ARHGAP23: variants seen among roughly 807,000 people sequenced by gnomAD.
ARHGAP23 encodes rho GTPase-activating protein 23.
In ARHGAP23, 34 loss-of-function variants were observed where a neutral mutation model predicts 136.3. The ratio of observed to expected loss-of-function variants is 0.25; its 90% CI spans 0.19 to 0.33. The LOEUF (loss-of-function observed/expected upper bound fraction) is 0.33, where lower values mean the gene tolerates loss of function less well. Ranked by LOEUF, ARHGAP23 falls within the 10% of genes least tolerant of loss-of-function variation. ARHGAP23 has a pLI of 1.00. For missense variants in ARHGAP23, 1,808 were observed against 2,139.0 expected (o/e 0.85, Z 3.05); for synonymous variants, 832 against 920.5 (o/e 0.90, Z 1.74).
At chr17:38,470,376 T>C (rs2039721741) in intron 10 of ARHGAP23, among the ~76,000 whole-genome samples, 4 of 152,210 alleles carry the variant, frequency 2.6e-5, no homozygotes, top group Admixed American at 2.0e-4. Flanking sequence ...TTTGTTTCCT[T>C]CACTACCCTC....
chr17:38,428,627 C>G, intron 1 of ARHGAP23, 79 bp downstream of exon 1: 1 of 1,008,014 alleles, frequency 9.9e-7, no homozygotes, highest in Non-Finnish European at 1.3e-6. Context: ...TCGCTGCGAC[C>G]CCGCTCGCCC....
chr17:38,441,419 C>T (rs2038917389), intron 1 of ARHGAP23, among the ~76,000 whole-genome samples: 1 of 152,104 alleles, frequency 6.6e-6, no homozygotes, highest in Non-Finnish European at 1.5e-5. Context: ...TTCTCTCTTT[C>T]CCCCTTCCCC....
intron 20 of ARHGAP23, among the ~76,000 whole-genome samples, chr17:38,495,522 T>C (rs2040373312): frequency 6.6e-6 from 1 of 152,176 alleles, no homozygotes; most frequent in Admixed American, 6.5e-5. Flanking sequence ...TGTGAGCCAC[T>C]GTGCCCGGCC....
chr17:38,420,465 C>T (rs1032879315), intron 1 of ARHGAP23, among the ~76,000 whole-genome samples: 3 of 152,198 alleles, frequency 2.0e-5, no homozygotes, highest in Non-Finnish European at 2.9e-5. Flanking sequence ...TGGCTGGGGG[C>T]CCTGGCTCTG....
Position 38,490,148 on chromosome 17 carries a change from G to A in ARHGAP23, c.3033G>A (p.Arg1011=). The A allele has an allele frequency of 1.9e-6, 3 of 1,551,770 alleles. No homozygotes were observed. The highest frequency in any genetic ancestry group is 1.7e-6 in the Non-Finnish European group (2 of 1,146,876). ...FIEANRIEDA[R]ERMRTLRKLI... is the part of the protein sequence containing the mutation. ...AGGCCAACCGCATTGAGGACGCGCG[G>A]GAGCGAATGAGGACGCTGCGGAAGC... Residue 1011 remains arginine, a synonymous_variant, in exon 18 of 24, where the codon CGG becomes CGA. Transcript: ENST00000622683.
chr17:38,453,971 C>G (rs2039260957), intron 1 of ARHGAP23: 1 of 145,590 alleles, frequency 6.9e-6, no homozygotes. Context: ...CCCCCGCCGG[C>G]CGCGGAGCTG....
chr17:38,485,944 G>A, intron 16 of ARHGAP23, 118 bp from the exon 17 acceptor site: 1 of 894,658 alleles, frequency 1.1e-6, no homozygotes, highest in Non-Finnish European at 1.8e-6. Flanking sequence ...AGAGAGCTTG[G>A]TCTAAGTAGG....
intron 11 of ARHGAP23, among the ~76,000 whole-genome samples, chr17:38,475,352 T>C (rs190366201): frequency 2.0e-4 from 31 of 152,352 alleles, no homozygotes; most frequent in Non-Finnish European, 4.0e-4. Flanking sequence ...TGCGGTTGAC[T>C]TGTCCTAGGT....
intron 1 of ARHGAP23, among the ~76,000 whole-genome samples, chr17:38,419,992 C>G (rs1428396305): frequency 3.9e-5 from 6 of 152,160 alleles, no homozygotes; most frequent in Non-Finnish European, 5.9e-5. Flanking sequence ...GGCTAAGAGG[C>G]TTTCTCCAAA....
At chr17:38,439,716 C>T (rs767137520) in intron 1 of ARHGAP23, among the ~76,000 whole-genome samples, 1 of 151,686 alleles carries the variant, frequency 6.6e-6, no homozygotes, top group Non-Finnish European at 1.5e-5. Context: ...CAGTGACATA[C>T]AGCTAGGAAG....
At chr17:38,443,096 C>G (rs2038955025) in intron 1 of ARHGAP23, among the ~76,000 whole-genome samples, 2 of 152,202 alleles carry the variant, frequency 1.3e-5, no homozygotes, top group Non-Finnish European at 2.9e-5. Flanking sequence ...GGTCACACAG[C>G]CAGAAAAGGG....
At chr17:38,469,730 T>TGGG in intron 9 of ARHGAP23, 95 bp downstream of exon 9, 35 of 1,500,822 alleles carry the variant, frequency 2.3e-5, no homozygotes, top group Non-Finnish European at 3.0e-5. Context: ...CCTCTATGCA[T>TGGG]GGGACAGTGT....
At chr17:38,438,812 C>T (rs1321706181) in intron 1 of ARHGAP23, among the ~76,000 whole-genome samples, 2 of 151,844 alleles carry the variant, frequency 1.3e-5, no homozygotes, top group African/African-American at 4.8e-5. Flanking sequence ...GGAGAAACCC[C>T]GTCTCTACTA....
chr17:38,428,424 C>A, upstream of ARHGAP23: 1 of 1,057,884 alleles, frequency 9.5e-7, no homozygotes, highest in Non-Finnish European at 1.2e-6. Context: ...GGCCCCGCCC[C>A]TCCCGGGTCC....
intron 1 of ARHGAP23, among the ~76,000 whole-genome samples, chr17:38,444,662 C>T (rs1317364831): frequency 6.6e-6 from 1 of 152,064 alleles, no homozygotes; most frequent in Non-Finnish European, 1.5e-5. Context: ...TCTAGGGCTC[C>T]AAAGATGACA....
intron 1 of ARHGAP23, 111 bp from the exon 2 acceptor site, chr17:38,457,991 C>T (rs755386914): frequency 7.4e-6 from 10 of 1,354,802 alleles, no homozygotes; most frequent in Admixed American, 2.2e-5. Context: ...AACCCTAGGG[C>T]GAAAGACCCC....
chr17:38,426,550 C>CAAAAAAAAAAAAAAAAA (rs751365956), upstream of ARHGAP23, among the ~76,000 whole-genome samples: 950 of 51,054 alleles, frequency 0.019, 75 homozygotes, highest in East Asian at 0.072. Context: ...AACTCCATCT[C>CAAAAAAAAAAAAAAAAA]AAAAAAAAAA....
intron 6 of ARHGAP23, among the ~76,000 whole-genome samples, chr17:38,464,384 C>T (rs577060491): frequency 3.3e-4 from 50 of 152,368 alleles, no homozygotes; most frequent in African/African-American, 1.1e-3. Context: ...TCCCTGGTCT[C>T]ATGGGTCCCA....
At chr17:38,450,267 A>T (rs1486262292) in intron 1 of ARHGAP23, 1 of 152,222 alleles carries the variant, frequency 6.6e-6, no homozygotes, top group Non-Finnish European at 1.5e-5. Context: ...CACAGCAGGT[A>T]CTCAAGATGT....
Sources: gnomAD v4.1 joint callset for allele counts (sites outside exome capture counted in the v4.1 genomes callset) on GRCh38, gnomAD v4.1.1 for gene constraint, MANE v1.5 for transcripts, NCBI Gene and HGNC (gene_info 2026-07-23, HGNC 2026-07-21) for gene names.